The following RIMS1 variants were observed in gnomAD, a reference collection of about 807,000 sequenced individuals.
RIMS1 encodes the protein regulating synaptic membrane exocytosis protein 1.
Under a neutral mutation model 214.1 loss-of-function variants are expected in RIMS1, and 83 were observed. The observed-to-expected ratio is 0.39, with a 90% CI of 0.32 to 0.47. RIMS1 has a LOEUF of 0.47. RIMS1 is among the 20% of genes least tolerant of loss of function. The pLI, the probability that RIMS1 is intolerant of heterozygous loss-of-function variation, is 0.99. For missense variants in RIMS1, 2,050 were observed against 2,161.8 expected (o/e 0.95, Z 1.03); for synonymous variants, 793 against 786.8 (o/e 1.01, Z -0.13).
intron 4 of RIMS1, among the ~76,000 whole-genome samples, chr6:72,162,347 C>G (rs1480358679): frequency 2.8e-5 from 4 of 140,532 alleles, no homozygotes; most frequent in South Asian, 4.7e-4. Flanking sequence ...ATCCAAGTTG[C>G]CAGTCTGTGT....
At chr6:72,212,184 C>T (rs1337510954) in intron 6 of RIMS1, among the ~76,000 whole-genome samples, 2 of 151,874 alleles carry the variant, frequency 1.3e-5, no homozygotes, top group East Asian at 3.8e-4. Flanking sequence ...AGTGAAAAGA[C>T]TACAGTTAAG....
chr6:72,064,376 C>T (rs115150293), intron 2 of RIMS1, among the ~76,000 whole-genome samples: 2,490 of 150,668 alleles, frequency 0.017, 67 homozygotes, highest in African/African-American at 0.056. Flanking sequence ...AAGGGAGGAA[C>T]GAAGGAAGGA....
intron 1 of RIMS1, among the ~76,000 whole-genome samples, chr6:71,917,221 T>C (rs1330591072): frequency 6.6e-6 from 1 of 152,186 alleles, no homozygotes; most frequent in Non-Finnish European, 1.5e-5. Context: ...AAACACTGGC[T>C]ATTACCATTA....
intron 6 of RIMS1, among the ~76,000 whole-genome samples, chr6:72,221,171 A>G (rs2058279427): frequency 1.3e-5 from 2 of 152,068 alleles, no homozygotes; most frequent in Admixed American, 1.3e-4. Flanking sequence ...TAACAAAGCT[A>G]AATTGCAATG....
At chr6:71,960,690 C>A (rs989572707) in intron 1 of RIMS1, among the ~76,000 whole-genome samples, 3 of 151,904 alleles carry the variant, frequency 2.0e-5, no homozygotes, top group African/African-American at 7.2e-5. Flanking sequence ...AATTAGTTTT[C>A]TTTTTTTAAA....
At chr6:72,312,638 G>T (rs2154294519) in intron 27 of RIMS1, among the ~76,000 whole-genome samples, 1 of 152,128 alleles carries the variant, frequency 6.6e-6, no homozygotes, top group Middle Eastern at 3.4e-3. Flanking sequence ...TTTTAATAAG[G>T]ATCCAGTATT....
chr6:72,094,106 T>G (rs2030261057), intron 2 of RIMS1, among the ~76,000 whole-genome samples: 1 of 127,432 alleles, frequency 7.8e-6, no homozygotes, highest in African/African-American at 2.5e-5. Context: ...ATGAACTTGT[T>G]TGTAAGTTGT....
intron 2 of RIMS1, 71 bp downstream of exon 2, chr6:71,969,134 A>T: frequency 7.0e-7 from 1 of 1,430,330 alleles, no homozygotes; most frequent in Non-Finnish European, 9.9e-7. Flanking sequence ...AGATTTATTC[A>T]CATTGCATGT....
At chr6:72,312,183 G>A (rs978315179) in intron 27 of RIMS1, among the ~76,000 whole-genome samples, 9 of 151,900 alleles carry the variant, frequency 5.9e-5, no homozygotes, top group Non-Finnish European at 1.0e-4. Context: ...CCTCTGACAT[G>A]GAACATCACA....
At chr6:71,941,483 A>G (rs1306013546) in intron 1 of RIMS1, among the ~76,000 whole-genome samples, 5 of 152,014 alleles carry the variant, frequency 3.3e-5, no homozygotes, top group African/African-American at 9.7e-5. Context: ...CTTGTCCCTC[A>G]TTTTTGATGA....
chr6:72,290,900 CT>C, intron 25 of RIMS1, 39 bp downstream of exon 25: 1 of 1,595,482 alleles, frequency 6.3e-7, no homozygotes, highest in Non-Finnish European at 8.6e-7. Context: ...CATGTCCTGC[CT>C]CCGGGTGTTG....
intron 4 of RIMS1, among the ~76,000 whole-genome samples, chr6:72,144,827 C>A (rs1240699898): frequency 1.3e-5 from 2 of 151,782 alleles, no homozygotes; most frequent in African/African-American, 4.8e-5. Flanking sequence ...AACTTAAAAA[C>A]AACTAATGAG....
At chr6:72,120,497 G>C (rs2038035469) in intron 4 of RIMS1, among the ~76,000 whole-genome samples, 1 of 151,874 alleles carries the variant, frequency 6.6e-6, no homozygotes, top group Admixed American at 6.6e-5. Flanking sequence ...TTGTTGATGG[G>C]GTTGTTTGAT....
At chr6:72,120,654 T>A (rs2038078762) in intron 4 of RIMS1, among the ~76,000 whole-genome samples, 6 of 151,358 alleles carry the variant, frequency 4.0e-5, no homozygotes, top group East Asian at 3.9e-4. Flanking sequence ...CTCTTTAGTT[T>A]AATTAGATCC....
chr6:72,097,152 G>A lies in RIMS1; in HGVS notation c.449G>A (p.Arg150Gln), dbSNP rs2031991412. ...CGCTGCGGAGGCCGCGTGTCTCTAC[G>A]GTCAAACAACGTGAGTATTCCATGA... ...CARCGGRVSL[R>Q]SNNEDKVVMW... Residue 150 changes from arginine (R) to glutamine (Q), a missense_variant, in exon 3 of 34, where the codon CGG becomes CAG. Transcript: ENST00000521978. 1.2e-6 allele frequency: 2 copies of A among 1,613,668 alleles called. No homozygotes were observed. The highest frequency in any genetic ancestry group is 8.5e-7 in the Non-Finnish European group (1 of 1,179,794).
In RIMS1 at chr6:72,158,699, G is replaced by C. The variant is rs2044812530; in HGVS notation, c.472-20876G>C. Among the ~76,000 whole-genome samples the C allele has an allele frequency of 1.4e-5, 2 of 138,394 alleles. 1 individual carries two copies. 90.8% of individuals were successfully genotyped at this position (138,394 alleles called of 152,430 possible). On this transcript the variant is annotated intron_variant, in intron 4 of 33. Transcript: ENST00000521978. ...CTTGCAATAGTTTTCTGAGAATGAT[G>C]GTTTCCAGCTTCATCCATGTCCCTA... is the stretch of plus-strand genomic sequence containing the variant.
At chr6:72,321,898 G>C (rs898831624) in intron 28 of RIMS1, among the ~76,000 whole-genome samples, 1 of 152,062 alleles carries the variant, frequency 6.6e-6, no homozygotes, top group Non-Finnish European at 1.5e-5. Context: ...ACTTCTCAAA[G>C]AGAACTCATG....
chr6:72,283,564 C>G (rs888682196), intron 23 of RIMS1, among the ~76,000 whole-genome samples: 1 of 151,968 alleles, frequency 6.6e-6, no homozygotes, highest in Non-Finnish European at 1.5e-5. Context: ...TTTTTCTTCT[C>G]TTTTCTTCAC....
At chr6:71,986,114 A>G (rs1221984996) in intron 2 of RIMS1, among the ~76,000 whole-genome samples, 1 of 151,948 alleles carries the variant, frequency 6.6e-6, no homozygotes, top group African/African-American at 2.4e-5. Context: ...GCATACGTAT[A>G]CTGAAAAATT....
Sources: allele counts gnomAD v4.1 joint callset (sites outside exome capture counted in the v4.1 genomes callset), GRCh38; gene constraint gnomAD v4.1.1; transcripts MANE v1.5; gene names NCBI Gene and HGNC (gene_info 2026-07-23, HGNC 2026-07-21).